PAX5: variants seen among roughly 807,000 people sequenced by gnomAD.
The protein encoded by PAX5 is paired box 5.
In PAX5, 9 loss-of-function variants were observed where a neutral mutation model predicts 43.7. The ratio of observed to expected loss-of-function variants is 0.21; its 90% CI spans 0.12 to 0.36. PAX5 has a LOEUF of 0.36. Among genes scored for constraint, PAX5 ranks in the 10% least tolerant of loss-of-function variants. The probability of loss-of-function intolerance (pLI) is 1.00; values close to 1 mark genes in which losing one functional copy is unlikely to be tolerated. For synonymous variants in PAX5, 228 were observed against 214.3 expected (o/e 1.06, Z -0.56); for missense variants, 383 against 532.7 (o/e 0.72, Z 2.77).
intron 5 of PAX5, among the ~76,000 whole-genome samples, chr9:36,976,509 T>C (rs77643246): frequency 0.015 from 2,331 of 152,256 alleles, 54 homozygotes; most frequent in African/African-American, 0.054. Flanking sequence ...CCAGGCCCCA[T>C]GCTAGGGATG....
At chr9:36,903,245 G>T (rs1235464912) in intron 7 of PAX5, among the ~76,000 whole-genome samples, 3 of 152,220 alleles carry the variant, frequency 2.0e-5, no homozygotes, top group Admixed American at 1.3e-4. Flanking sequence ...AAGAAAAGCA[G>T]TTGGCTGGGA....
chr9:37,017,169 T>G (rs2132482858), intron 2 of PAX5, among the ~76,000 whole-genome samples: 1 of 152,322 alleles, frequency 6.6e-6, no homozygotes, highest in South Asian at 2.1e-4. Flanking sequence ...GTAAAGCCAA[T>G]TTTTACTATA....
At chr9:36,954,629 A>T (rs923626929) in intron 6 of PAX5, among the ~76,000 whole-genome samples, 2 of 152,296 alleles carry the variant, frequency 1.3e-5, no homozygotes, top group South Asian at 4.1e-4. Context: ...GGTTGCTTTC[A>T]TAATTTTCTC....
chr9:36,948,008 A>G (rs894496143), intron 6 of PAX5, among the ~76,000 whole-genome samples: 3 of 152,128 alleles, frequency 2.0e-5, no homozygotes, highest in Admixed American at 6.5e-5. Flanking sequence ...ATAATAAATA[A>G]CATCCTCTGA....
chr9:36,907,858 G>A (rs1828949560), intron 7 of PAX5, among the ~76,000 whole-genome samples: 1 of 152,166 alleles, frequency 6.6e-6, no homozygotes, highest in South Asian at 2.1e-4. Context: ...ATAGACTGAG[G>A]AGACGTGGGG....
intron 6 of PAX5, among the ~76,000 whole-genome samples, chr9:36,938,417 A>C (rs1344186838): frequency 6.6e-6 from 1 of 152,036 alleles, no homozygotes; most frequent in Non-Finnish European, 1.5e-5. Flanking sequence ...ATTAATTTAG[A>C]CTCCTGATTT....
intron 8 of PAX5, among the ~76,000 whole-genome samples, chr9:36,876,233 C>A (rs1825901504): frequency 6.6e-6 from 1 of 152,216 alleles, no homozygotes; most frequent in African/African-American, 2.4e-5. Context: ...GGCCCCCACT[C>A]CACACTGCAC....
At position 36,839,130 on chromosome 9, in the gene PAX5, T is replaced by C. The variant is rs1235025512; in HGVS notation, c.*1430A>G. Reference sequence around the variant, plus strand: ...GAGATGATGGCACCTGGCACCCCCATGTCAAAATCACTCCCAGGTCACACA... The same window carrying C: ...GAGATGATGGCACCTGGCACCCCCACGTCAAAATCACTCCCAGGTCACACA... On this transcript the variant is annotated 3_prime_UTR_variant, in exon 10 of 10. Coordinates refer to ENST00000358127, the MANE Select transcript of PAX5 (RefSeq NM_016734.3). 2 of 233,368 alleles carry C rather than the reference T, an allele frequency of 8.6e-6. No homozygotes were observed. The highest frequency in any genetic ancestry group is 1.7e-5 in the Non-Finnish European group (2 of 118,218). The allele number at this position is 233,368 out of a possible 1,614,324, so 14.5% of individuals were successfully genotyped here.
At chr9:36,924,778 A>AGGAAGGAG (rs1379058171) in intron 6 of PAX5, among the ~76,000 whole-genome samples, 4 of 125,210 alleles carry the variant, frequency 3.2e-5, no homozygotes, top group Non-Finnish European at 6.6e-5. Flanking sequence ...GAAGGAAGGA[A>AGGAAGGAG]GGAAAAGAGA....
intron 4 of PAX5, 130 bp downstream of exon 4, chr9:37,006,343 A>G: frequency 3.3e-6 from 2 of 601,510 alleles, no homozygotes; most frequent in Non-Finnish European, 5.8e-6. Flanking sequence ...GGAGAATGAC[A>G]AAGAAGGCGC....
intron 1 of PAX5, among the ~76,000 whole-genome samples, chr9:37,025,442 G>A (rs1000018963): frequency 1.3e-5 from 2 of 152,152 alleles, no homozygotes; most frequent in Non-Finnish European, 2.9e-5. Flanking sequence ...CGGGGTGGGA[G>A]GACCAGGCAT....
intron 6 of PAX5, chr9:36,930,943 C>CGT: frequency 1.2e-6 from 1 of 824,242 alleles, no homozygotes; most frequent in South Asian, 1.4e-5. Context: ...CACGGGGCAC[C>CGT]ACTGCCATAG....
intron 9 of PAX5, among the ~76,000 whole-genome samples, chr9:36,846,281 A>T (rs571573247): frequency 6.6e-6 from 1 of 152,338 alleles, no homozygotes; most frequent in East Asian, 1.9e-4. Context: ...AGGCTTGGGC[A>T]GAGGGTGGGC....
At chr9:36,864,499 C>T (rs925826383) in intron 8 of PAX5, among the ~76,000 whole-genome samples, 13 of 152,344 alleles carry the variant, frequency 8.5e-5, no homozygotes, top group African/African-American at 3.1e-4. Flanking sequence ...GTCCAGAGTC[C>T]TCATGGGGCC....
chr9:36,990,836 G>A (rs199918452), intron 5 of PAX5, among the ~76,000 whole-genome samples: 4 of 152,210 alleles, frequency 2.6e-5, no homozygotes, highest in Non-Finnish European at 5.9e-5. Context: ...AAGGCCGGGC[G>A]CAGTGGCTCA....
At chr9:37,024,162 G>A (rs1385109009) in intron 1 of PAX5, among the ~76,000 whole-genome samples, 1 of 152,220 alleles carries the variant, frequency 6.6e-6, no homozygotes, top group African/African-American at 2.4e-5. Context: ...CCACCGTCAG[G>A]TAGGACCCTG....
chr9:36,950,710 C>T (rs533022851), intron 6 of PAX5, among the ~76,000 whole-genome samples: 13 of 150,494 alleles, frequency 8.6e-5, no homozygotes, highest in Non-Finnish European at 1.5e-4. Context: ...GATCAGATCA[C>T]ATTCTTGCAT....
intron 6 of PAX5, among the ~76,000 whole-genome samples, chr9:36,927,461 A>G (rs1830734160): frequency 6.6e-6 from 1 of 152,230 alleles, no homozygotes; most frequent in Admixed American, 6.5e-5. Flanking sequence ...GTTTTAGTCA[A>G]CAAATTCAGT....
rs376528541 is a variant in PAX5, at chr9:37,006,580, A to C, written c.411-43T>G. On this transcript the variant is annotated intron_variant, in intron 3 of 9. Coordinates refer to ENST00000358127, the MANE Select transcript of PAX5 (RefSeq NM_016734.3). ...ACAAAATTGCTATTTACCATCAGGAAGGAGAAGAGACCTCAACCAGCTATG... is the reference window on the plus strand; with the variant it reads ...ACAAAATTGCTATTTACCATCAGGACGGAGAAGAGACCTCAACCAGCTATG... The C allele has an allele frequency of 8.5e-5, 127 of 1,502,474 alleles. 2 individuals are homozygous for C. In the African/African-American group the frequency reaches 1.5e-3, roughly 18 times the overall value. 93.1% of individuals were successfully genotyped at this position (1,502,474 alleles called of 1,614,324 possible).
Sources: allele counts gnomAD v4.1 joint callset (sites outside exome capture counted in the v4.1 genomes callset), GRCh38; gene constraint gnomAD v4.1.1; transcripts MANE v1.5; gene names NCBI Gene and HGNC (gene_info 2026-07-23, HGNC 2026-07-21).